The following GPATCH2 variants were observed in gnomAD, a reference collection of about 807,000 sequenced individuals.
GPATCH2 encodes G-patch domain containing 2.
GPATCH2 carries 51 observed loss-of-function variants against 58.0 expected under a neutral mutation model. The observed-to-expected ratio is 0.88, with a 90% CI of 0.70 to 1.11. The LOEUF (loss-of-function observed/expected upper bound fraction) is 1.11, where lower values mean the gene tolerates loss of function less well. Ranked by LOEUF, GPATCH2 falls within the 50% of genes most tolerant of loss-of-function variation. The pLI is 0.00. For synonymous variants in GPATCH2, 222 were observed against 218.5 expected, an observed-to-expected ratio of 1.02 and a Z score of -0.14; for missense variants, 625 against 652.2, an observed-to-expected ratio of 0.96 and a Z score of 0.45.
In GPATCH2 at chr1:217,430,689, G is replaced by C. The variant is rs1468850912; in HGVS notation, c.*456C>G. The C allele has an allele frequency of 6.2e-6, 1 of 161,018 alleles. No homozygotes were observed. The highest frequency in any genetic ancestry group is 1.4e-5 in the Non-Finnish European group (1 of 73,822). The allele number at this position is 161,018 out of a possible 1,614,324, so 10.0% of individuals were successfully genotyped here. ...AAGCCTTTCAAACAAAGATGTGTTC[G>C]GACTTCACTGATGCGATGGTAGGTC... On this transcript the variant is annotated 3_prime_UTR_variant, in exon 10 of 10. Coordinates refer to ENST00000366935, the MANE Select transcript of GPATCH2 (RefSeq NM_018040.5).
At chr1:217,481,638 C>G (rs2102517992) in intron 8 of GPATCH2, among the ~76,000 whole-genome samples, 1 of 152,152 alleles carries the variant, frequency 6.6e-6, no homozygotes, top group South Asian at 2.1e-4. Context: ...TAAGAAGATT[C>G]TTTGAGGCCA....
intron 9 of GPATCH2, among the ~76,000 whole-genome samples, chr1:217,433,988 C>T (rs1183814627): frequency 6.6e-6 from 1 of 152,172 alleles, no homozygotes; most frequent in African/African-American, 2.4e-5. Context: ...TATTCTCAAT[C>T]TTCAGTGCAT....
intron 5 of GPATCH2, among the ~76,000 whole-genome samples, chr1:217,526,548 A>T (rs993773348): frequency 6.6e-6 from 1 of 152,226 alleles, no homozygotes. Context: ...GTGTAAGCAT[A>T]ATCTTAGCAT....
rs1185749458 is a variant in GPATCH2, at chr1:217,610,948, G to C, written c.959C>G (p.Pro320Arg). 1 of 1,613,554 alleles carries C rather than the reference G, an allele frequency of 6.2e-7. No homozygotes were observed. Among genetic ancestry groups the C allele is most frequent in the African/African-American group, 1.3e-5 (1 of 74,948 alleles). Residue 320 changes from proline (P) to arginine (R), a missense_variant, in exon 4 of 10, where the codon CCT becomes CGT. Transcript: ENST00000366935. ...PTELDKNVPD[P>R]VFESILTGSF... ...ACCAGTTAAGATACTTTCAAAGACA[G>C]GATCTGGTACATTTTTGTCTAGCTC...
chr1:217,512,974 T>G (rs988913583), intron 6 of GPATCH2, among the ~76,000 whole-genome samples: 2 of 152,134 alleles, frequency 1.3e-5, no homozygotes, highest in African/African-American at 2.4e-5. Flanking sequence ...TCTCATTTCC[T>G]GAATGCGAAC....
intron 2 of GPATCH2, among the ~76,000 whole-genome samples, chr1:217,617,280 T>C (rs1262603494): frequency 6.6e-6 from 1 of 152,220 alleles, no homozygotes; most frequent in Non-Finnish European, 1.5e-5. Flanking sequence ...CCTCTCTACC[T>C]ATGAATGCCA....
intron 5 of GPATCH2, chr1:217,608,291 T>G: frequency 1.0e-6 from 1 of 977,296 alleles, no homozygotes; most frequent in African/African-American, 1.8e-5. Context: ...CCCGAAGGAG[T>G]CCATTGTCTT....
chr1:217,617,354 A>G (rs1668936523), intron 2 of GPATCH2, among the ~76,000 whole-genome samples: 1 of 152,190 alleles, frequency 6.6e-6, no homozygotes, highest in Admixed American at 6.5e-5. Flanking sequence ...TTTAAAGCAC[A>G]GTTCCCTTAG....
chr1:217,434,096 T>A (rs919604853), intron 9 of GPATCH2, among the ~76,000 whole-genome samples: 9 of 152,224 alleles, frequency 5.9e-5, no homozygotes, highest in African/African-American at 2.2e-4. Context: ...ATTTCTCAAA[T>A]GGATTCATAG....
At chr1:217,556,333 G>A (rs1327694223) in intron 5 of GPATCH2, among the ~76,000 whole-genome samples, 1 of 152,100 alleles carries the variant, frequency 6.6e-6, no homozygotes, top group Non-Finnish European at 1.5e-5. Flanking sequence ...TCTTCGGGGG[G>A]CAACCACTAC....
intron 8 of GPATCH2, among the ~76,000 whole-genome samples, chr1:217,476,703 A>G (rs929645754): frequency 1.3e-5 from 2 of 152,122 alleles, no homozygotes; most frequent in Non-Finnish European, 2.9e-5. Flanking sequence ...CCAGAGGGGA[A>G]TCACCAATCC....
chr1:217,452,797 G>A (rs1447126110), intron 8 of GPATCH2, among the ~76,000 whole-genome samples: 1 of 152,042 alleles, frequency 6.6e-6, no homozygotes, highest in East Asian at 1.9e-4. Flanking sequence ...AGAGAAAAAT[G>A]TTCAAGGAGA....
chr1:217,610,951 T>G lies in GPATCH2; in HGVS notation c.956A>C (p.Asp319Ala). The change falls in exon 4 of 10, where the codon GAT becomes GCT. Residue 319 changes from aspartate to alanine, a missense_variant. By Grantham distance (126) the Asp-to-Ala change is moderately radical. Transcript: ENST00000366935. Reference sequence around the variant, plus strand: ...AGTTAAGATACTTTCAAAGACAGGATCTGGTACATTTTTGTCTAGCTCAGT... The same window carrying G: ...AGTTAAGATACTTTCAAAGACAGGAGCTGGTACATTTTTGTCTAGCTCAGT... ...DPTELDKNVP[D>A]PVFESILTGS... The G allele has an allele frequency of 6.2e-7, 1 of 1,613,632 alleles. No individual in the cohort carries two copies. Among genetic ancestry groups the G allele is most frequent in the African/African-American group, 1.3e-5 (1 of 74,960 alleles).
intron 5 of GPATCH2, among the ~76,000 whole-genome samples, chr1:217,597,579 G>C (rs1667899812): frequency 6.6e-6 from 1 of 152,004 alleles, no homozygotes; most frequent in African/African-American, 2.4e-5. Context: ...CCATTTCTCA[G>C]CCCATCCAGT....
At chr1:217,510,447 C>A (rs1662788041) in intron 6 of GPATCH2, among the ~76,000 whole-genome samples, 1 of 150,916 alleles carries the variant, frequency 6.6e-6, no homozygotes, top group Non-Finnish European at 1.5e-5. Flanking sequence ...TCTTCTTAAA[C>A]TCCTGTTTAA....
At chr1:217,453,414 T>A (rs1659765698) in intron 8 of GPATCH2, among the ~76,000 whole-genome samples, 1 of 152,140 alleles carries the variant, frequency 6.6e-6, no homozygotes, top group East Asian at 1.9e-4. Flanking sequence ...GATAAAGAAA[T>A]GGTGCATTTT....
At chr1:217,476,894 C>T (rs919677643) in intron 8 of GPATCH2, among the ~76,000 whole-genome samples, 4 of 152,076 alleles carry the variant, frequency 2.6e-5, no homozygotes, top group East Asian at 3.9e-4. Flanking sequence ...GAGACACTAG[C>T]GGGGGTGGTT....
chr1:217,494,765 A>G (rs1661926254), intron 7 of GPATCH2, among the ~76,000 whole-genome samples: 1 of 152,052 alleles, frequency 6.6e-6, no homozygotes, highest in African/African-American at 2.4e-5. Context: ...AAGACTCCCA[A>G]CATATTTTTT....
chr1:217,531,334 CAT>C (rs1664179859), intron 5 of GPATCH2, among the ~76,000 whole-genome samples: 3 of 152,150 alleles, frequency 2.0e-5, no homozygotes, highest in Non-Finnish European at 4.4e-5. Context: ...TACAGTGAAA[CAT>C]GTGCTGAATT....
Sources: gnomAD v4.1 joint callset for allele counts (sites outside exome capture counted in the v4.1 genomes callset) on GRCh38, gnomAD v4.1.1 for gene constraint, MANE v1.5 for transcripts, NCBI Gene and HGNC (gene_info 2026-07-23, HGNC 2026-07-21) for gene names.